The following TNFAIP8L3 variants were observed in gnomAD, a reference collection of about 807,000 sequenced individuals.
The protein encoded by TNFAIP8L3 is tumor necrosis factor alpha-induced protein 8-like protein 3.
A neutral mutation model predicts 11.8 loss-of-function variants in TNFAIP8L3; 7 were observed. The ratio of observed to expected loss-of-function variants is 0.59; its 90% confidence interval spans 0.34 to 1.11. The LOEUF is 1.11. Among genes scored for constraint, TNFAIP8L3 ranks in the 50% most tolerant of loss-of-function variants. TNFAIP8L3 has a pLI of 0.03. For missense variants in TNFAIP8L3, 219 were observed against 258.6 expected (o/e 0.85, Z 1.05); for synonymous variants, 98 against 103.8 (o/e 0.94, Z 0.34).
At chr15:51,070,275 A>G (rs752510545) in intron 1 of TNFAIP8L3, among the ~76,000 whole-genome samples, 9 of 152,230 alleles carry the variant, frequency 5.9e-5, no homozygotes, top group Non-Finnish European at 8.8e-5. Flanking sequence ...CACTGCAGAA[A>G]AGTAACCATC....
intron 1 of TNFAIP8L3, among the ~76,000 whole-genome samples, chr15:51,086,799 A>C (rs1363985179): frequency 6.6e-6 from 1 of 152,260 alleles, no homozygotes; most frequent in East Asian, 1.9e-4. Flanking sequence ...GTAAAACATC[A>C]TTATACTTTT....
chr15:51,100,138 G>A (rs1055191753), intron 1 of TNFAIP8L3, among the ~76,000 whole-genome samples: 1 of 152,202 alleles, frequency 6.6e-6, no homozygotes, highest in Admixed American at 6.5e-5. Context: ...GACTTGGGAT[G>A]TATCAAGTAT....
At chr15:51,082,816 G>A (rs114400489) in intron 1 of TNFAIP8L3, among the ~76,000 whole-genome samples, 6,778 of 152,146 alleles carry the variant, frequency 0.045, 142 homozygotes, top group African/African-American at 0.065. Context: ...GGTCAAGATC[G>A]TCAAAACATC....
At chr15:51,085,421 C>T (rs1347475832) in intron 1 of TNFAIP8L3, among the ~76,000 whole-genome samples, 1 of 152,056 alleles carries the variant, frequency 6.6e-6, no homozygotes, top group Non-Finnish European at 1.5e-5. Flanking sequence ...GTGGGCCTGA[C>T]CCAAGGGAAG....
rs997319509 is a variant in TNFAIP8L3, at chr15:51,057,838, G to A, written c.*43C>T. On this transcript the variant is annotated 3_prime_UTR_variant, in exon 2 of 2. Transcript: ENST00000637513. ...ATTCTCACCCAGATCATGGTTGAGT[G>A]CTGTAACTTTAAAGCAGCAAAGTCC... is the stretch of plus-strand genomic sequence containing the variant. The A allele has an allele frequency of 2.0e-6, 3 of 1,480,432 alleles. No individual in the cohort carries two copies. Among genetic ancestry groups the A allele is most frequent in the Non-Finnish European group, 2.7e-6 (3 of 1,097,434 alleles). 91.7% of individuals were successfully genotyped at this position (1,480,432 alleles called of 1,614,324 possible).
In TNFAIP8L3 at chr15:51,104,945, T is replaced by C. The variant is rs142739695; in HGVS notation, c.172+60A>G. 1.4e-5 allele frequency: 23 copies of C among 1,608,616 alleles called. No homozygotes were observed. In the African/African-American group the frequency reaches 2.9e-4, roughly 21 times the overall value. On this transcript the variant is annotated intron_variant, in intron 1 of 2. Transcript: ENST00000327536. ...TCCTCAGCTCGCCACCTTGCATGCT[T>C]TGCACAAGCCTCCCCGCCCCTATAC...
intron 1 of TNFAIP8L3, chr15:51,104,975 TTC>T: frequency 6.2e-7 from 1 of 1,614,012 alleles, no homozygotes; most frequent in South Asian, 1.1e-5. Context: ...CTATACTTCC[TTC>T]TCTGCCAGTT....
chr15:51,070,954 G>A (rs2065304282), intron 1 of TNFAIP8L3, among the ~76,000 whole-genome samples: 1 of 146,120 alleles, frequency 6.8e-6, no homozygotes, highest in Non-Finnish European at 1.5e-5. Context: ...GGGAGGCTGA[G>A]GCAGGAGAAT....
At chr15:51,091,742 A>G (rs1043017196) in intron 1 of TNFAIP8L3, among the ~76,000 whole-genome samples, 11 of 151,816 alleles carry the variant, frequency 7.2e-5, no homozygotes, top group Admixed American at 3.9e-4. Context: ...GATAATGAAC[A>G]AGAGACTGAA....
chr15:51,101,802 G>A (rs1328159704), intron 1 of TNFAIP8L3, among the ~76,000 whole-genome samples: 1 of 149,666 alleles, frequency 6.7e-6, no homozygotes, highest in Non-Finnish European at 1.5e-5. Flanking sequence ...AAAAATTAGC[G>A]AGGCGTGATG....
chr15:51,066,800 TTAAG>T (rs1046318233), intron 1 of TNFAIP8L3, among the ~76,000 whole-genome samples: 2 of 152,274 alleles, frequency 1.3e-5, no homozygotes, highest in Non-Finnish European at 2.9e-5. Context: ...TTAAGGAACT[TTAAG>T]TAGTGTTTTG....
At chr15:51,065,435 C>T (rs1447085915) in intron 1 of TNFAIP8L3, among the ~76,000 whole-genome samples, 3 of 152,194 alleles carry the variant, frequency 2.0e-5, no homozygotes, top group African/African-American at 7.2e-5. Flanking sequence ...CTAGAAAACA[C>T]TAAGCTCTCC....
chr15:51,092,637 T>C (rs2065479914), intron 1 of TNFAIP8L3, among the ~76,000 whole-genome samples: 1 of 152,236 alleles, frequency 6.6e-6, no homozygotes, highest in East Asian at 1.9e-4. Context: ...ACGAGAGCTG[T>C]CTGCCCTGTT....
intron 1 of TNFAIP8L3, among the ~76,000 whole-genome samples, chr15:51,071,438 G>A (rs748507068): frequency 2.6e-5 from 4 of 151,928 alleles, no homozygotes; most frequent in Non-Finnish European, 4.4e-5. Context: ...ATCTATCCAC[G>A]TTTTTATGCT....
rs889443029 is a variant in TNFAIP8L3 at position 51,094,410 on chromosome 15, C to T, written c.52+134G>A. The stretch of plus-strand genomic sequence containing the variant: ...TGGGGGAAGCCCCAAAGCAAACTCA[C>T]GACGCGGAGCAATCCCCAGTCTTGG... On this transcript the variant is annotated intron_variant, in intron 1 of 1. Coordinates refer to ENST00000637513, the MANE Select transcript of TNFAIP8L3 (RefSeq NM_001311175.2). This position sits in a 1 kb window ranked among gnomAD's most constrained non-coding sequence, Gnocchi z 4.4. 13 of 1,102,008 alleles carry T rather than the reference C, an allele frequency of 1.2e-5. No individual in the cohort carries two copies. The South Asian group carries it at 1.9e-4, about 16-fold the overall frequency. The allele number at this position is 1,102,008 out of a possible 1,614,324, so 68.3% of individuals were successfully genotyped here.
At chr15:51,071,521 A>G (rs911978787) in intron 1 of TNFAIP8L3, among the ~76,000 whole-genome samples, 4 of 152,260 alleles carry the variant, frequency 2.6e-5, no homozygotes, top group African/African-American at 9.6e-5. Flanking sequence ...CATACTACAC[A>G]GATCCTTCTA....
rs2140961249 is a variant in TNFAIP8L3 at position 51,058,300 on chromosome 15, C to G, written c.196G>C (p.Glu66Gln). Reference sequence around the variant, plus strand: ...GCTTCCTTCTTGTTGTGTGTGTGCTCTTTGGTGACTTTGTAGAGCTCATCA... The same window carrying G: ...GCTTCCTTCTTGTTGTGTGTGTGCTGTTTGGTGACTTTGTAGAGCTCATCA... ...IFDELYKVTK[E>Q]HTHNKKEAHK... Residue 66 changes from glutamate (E) to glutamine (Q), a missense_variant, in exon 2 of 2, where the codon GAG becomes CAG. Coordinates refer to ENST00000637513, the MANE Select transcript of TNFAIP8L3 (RefSeq NM_001311175.2). The G allele has an allele frequency of 1.2e-6, 2 of 1,614,152 alleles. No homozygotes were observed. The highest frequency in any genetic ancestry group is 4.5e-5 in the East Asian group (2 of 44,878).
At chr15:51,103,683 C>G (rs189595100) in intron 1 of TNFAIP8L3, among the ~76,000 whole-genome samples, 1 of 152,344 alleles carries the variant, frequency 6.6e-6, no homozygotes, top group Non-Finnish European at 1.5e-5. Context: ...CTGTGGTCTT[C>G]TATCCTTCCA....
intron 1 of TNFAIP8L3, among the ~76,000 whole-genome samples, chr15:51,078,474 GCCT>G (rs2065370353): frequency 6.6e-6 from 1 of 151,766 alleles, no homozygotes; most frequent in African/African-American, 2.4e-5. Flanking sequence ...CCTCCTCCAG[GCCT>G]CCTCCTCCTC....
Sources: gnomAD v4.1 joint callset for allele counts (sites outside exome capture counted in the v4.1 genomes callset) on GRCh38, gnomAD v4.1.1 for gene constraint, Gnocchi (gnomAD v3.1) non-coding constraint, MANE v1.5 for transcripts, NCBI Gene and HGNC (gene_info 2026-07-23, HGNC 2026-07-21) for gene names.